Variants in GSG1L observed in about 807,000 individuals in gnomAD.
GSG1L encodes the protein GSG1 like, also known as germ cell-specific gene 1-like protein.
Under a neutral mutation model 42.1 loss-of-function variants are expected in GSG1L, and 24 were observed. The ratio of observed to expected loss-of-function variants is 0.57; its 90% CI spans 0.41 to 0.80. The LOEUF (loss-of-function observed/expected upper bound fraction) is 0.80. Among genes scored for constraint, GSG1L ranks in the 30% least tolerant of loss-of-function variants. The probability of loss-of-function intolerance (pLI) is 0.00; values close to 1 mark genes in which losing one functional copy is unlikely to be tolerated. For synonymous variants in GSG1L, 215 were observed against 203.5 expected, an observed-to-expected ratio of 1.06 and a Z score of -0.48; for missense variants, 445 against 472.2, an observed-to-expected ratio of 0.94 and a Z score of 0.53.
intron 1 of GSG1L, among the ~76,000 whole-genome samples, chr16:27,979,744 A>AG (rs796916797): frequency 0.2 from 19,696 of 98,534 alleles, 2,920 homozygotes; most frequent in East Asian, 0.37. Flanking sequence ...AAAGAAAGAA[A>AG]GAAAGGAAAG....
intron 3 of GSG1L, among the ~76,000 whole-genome samples, chr16:27,848,585 C>G (rs918588332): frequency 6.6e-6 from 1 of 152,112 alleles, no homozygotes; most frequent in Non-Finnish European, 1.5e-5. Flanking sequence ...GGATGTCCTG[C>G]TCTTAACGGG....
chr16:28,049,457 G>C (rs924627737), intron 1 of GSG1L, among the ~76,000 whole-genome samples: 1 of 151,734 alleles, frequency 6.6e-6, no homozygotes, highest in Non-Finnish European at 1.5e-5. Flanking sequence ...AAGGCAGGAG[G>C]ATCACTTGAG....
chr16:27,935,365 G>T (rs190939449), intron 2 of GSG1L, among the ~76,000 whole-genome samples: 1 of 152,158 alleles, frequency 6.6e-6, no homozygotes, highest in Admixed American at 6.5e-5. Context: ...CTCTGCTTGC[G>T]TTTTTATTTC....
At chr16:27,973,560 T>A (rs79402207) in intron 1 of GSG1L, among the ~76,000 whole-genome samples, 3,469 of 150,374 alleles carry the variant, frequency 0.023, 132 homozygotes, top group African/African-American at 0.081. Flanking sequence ...TGCAGCCTAA[T>A]TGGGGGAAAC....
chr16:27,913,309 C>T (rs1012116704), intron 2 of GSG1L, among the ~76,000 whole-genome samples: 4 of 152,102 alleles, frequency 2.6e-5, no homozygotes, highest in Admixed American at 2.0e-4. Context: ...AATGTTCTAT[C>T]TAGAAGTCAA....
chr16:27,957,254 C>T (rs1006973292), intron 2 of GSG1L, among the ~76,000 whole-genome samples: 1 of 152,088 alleles, frequency 6.6e-6, no homozygotes, highest in Non-Finnish European at 1.5e-5. Flanking sequence ...GGCTGAGTCA[C>T]GAGAATCACT....
At chr16:28,039,954 G>T (rs1298621532) in intron 1 of GSG1L, among the ~76,000 whole-genome samples, 1 of 151,904 alleles carries the variant, frequency 6.6e-6, no homozygotes, top group Non-Finnish European at 1.5e-5. Context: ...CTGTCCCCGC[G>T]CCCCTCCCTC....
At chr16:27,929,049 C>CTGA (rs1361659040) in intron 2 of GSG1L, among the ~76,000 whole-genome samples, 1 of 152,218 alleles carries the variant, frequency 6.6e-6, no homozygotes, top group Non-Finnish European at 1.5e-5. Flanking sequence ...CAGGTCCTAC[C>CTGA]TGAGACCTAT....
intron 1 of GSG1L, among the ~76,000 whole-genome samples, chr16:27,982,204 T>C (rs1020817728): frequency 1.3e-5 from 2 of 152,180 alleles, no homozygotes; most frequent in Admixed American, 6.5e-5. Context: ...CTTGTCTCTA[T>C]AAAAAACAAA....
intron 2 of GSG1L, among the ~76,000 whole-genome samples, chr16:27,962,401 G>A (rs960899192): frequency 6.6e-6 from 1 of 152,212 alleles, no homozygotes; most frequent in Admixed American, 6.5e-5. Flanking sequence ...CTGGTGCTCT[G>A]GCAGCCATCT....
rs2085267853 is a variant in GSG1L at position 27,977,766 on chromosome 16, T to G, written c.350-14563A>C. The stretch of plus-strand genomic sequence containing the variant: ...ACCTGTCAACTCAAGGCCAGTCTTG[T>G]CACCTCTACACCCCACTGTCCCCAC... On this transcript the variant is annotated intron_variant, in intron 1 of 6. Coordinates refer to ENST00000447459, the MANE Select transcript of GSG1L (RefSeq NM_001109763.2). 2.0e-5 allele frequency among the ~76,000 whole-genome samples: 3 copies of G among 152,072 alleles called. No homozygotes were observed. In the South Asian group the frequency reaches 6.2e-4, roughly 32 times the overall value.
At chr16:27,969,225 A>G (rs887107789) in intron 1 of GSG1L, among the ~76,000 whole-genome samples, 1 of 152,208 alleles carries the variant, frequency 6.6e-6, no homozygotes, top group African/African-American at 2.4e-5. Flanking sequence ...CAATTTTAAA[A>G]CGTTTTCATC....
At chr16:27,894,590 T>G (rs1458071741) in intron 2 of GSG1L, among the ~76,000 whole-genome samples, 4 of 152,200 alleles carry the variant, frequency 2.6e-5, no homozygotes, top group Non-Finnish European at 4.4e-5. Context: ...ATGTAGATGA[T>G]GTGGACTGGG....
chr16:28,060,850 T>G (rs1045683925), intron 1 of GSG1L, among the ~76,000 whole-genome samples: 1 of 152,206 alleles, frequency 6.6e-6, no homozygotes, highest in African/African-American at 2.4e-5. Context: ...GCCAACATTG[T>G]TTTTTAAATA....
intron 3 of GSG1L, among the ~76,000 whole-genome samples, chr16:27,869,189 A>T (rs1490726344): frequency 6.8e-6 from 1 of 147,348 alleles, no homozygotes; most frequent in Non-Finnish European, 1.5e-5. Flanking sequence ...CCTTCCTTGG[A>T]CGGGTAAGAA....
intron 2 of GSG1L, among the ~76,000 whole-genome samples, chr16:27,960,765 G>A (rs1437060685): frequency 6.6e-6 from 1 of 152,118 alleles, no homozygotes; most frequent in Non-Finnish European, 1.5e-5. Flanking sequence ...AACCTCAAGC[G>A]AGAGCTACAG....
chr16:28,060,065 C>G (rs774111766), intron 1 of GSG1L, among the ~76,000 whole-genome samples: 107 of 152,060 alleles, frequency 7.0e-4, no homozygotes, highest in Non-Finnish European at 1.5e-3. Context: ...GTGAGGATCT[C>G]CTGGTTGGTG....
intron 1 of GSG1L, among the ~76,000 whole-genome samples, chr16:27,968,751 T>C (rs2141113673): frequency 6.6e-6 from 1 of 152,298 alleles, no homozygotes; most frequent in East Asian, 1.9e-4. Context: ...TGCTAGGCAT[T>C]TTCCCTTTTC....
intron 5 of GSG1L, among the ~76,000 whole-genome samples, chr16:27,809,785 T>G (rs1296616859): frequency 6.6e-6 from 1 of 152,172 alleles, no homozygotes; most frequent in African/African-American, 2.4e-5. Flanking sequence ...TGTCCCCTTT[T>G]CCCCACCCTC....
Sources: allele counts gnomAD v4.1 joint callset (sites outside exome capture counted in the v4.1 genomes callset), GRCh38; gene constraint gnomAD v4.1.1; transcripts MANE v1.5; gene names NCBI Gene and HGNC (gene_info 2026-07-23, HGNC 2026-07-21).